GNB1: variants seen among roughly 807,000 people sequenced by gnomAD.
The protein encoded by GNB1 is G protein subunit beta 1.
A neutral mutation model predicts 42.9 loss-of-function variants in GNB1; 2 were observed. The observed-to-expected ratio is 0.05, with a 90% CI of 0.02 to 0.15. GNB1 has a LOEUF of 0.15. GNB1 is among the 10% of genes least tolerant of loss of function. The pLI, the probability that GNB1 is intolerant of heterozygous loss-of-function variation, is 1.00. For synonymous variants in GNB1, 183 were observed against 174.7 expected, an observed-to-expected ratio of 1.05 and a Z score of -0.38; for missense variants, 193 against 462.2, an observed-to-expected ratio of 0.42 and a Z score of 5.34.
intron 1 of GNB1, among the ~76,000 whole-genome samples, chr1:1,874,605 T>TTA (rs1462394173): frequency 2.1e-5 from 1 of 46,998 alleles, no homozygotes; most frequent in Non-Finnish European, 3.6e-5. Context: ...AGACTCCATC[T>TTA]AAAAAAAAAA....
chr1:1,853,394 A>G (rs139035552), intron 1 of GNB1, among the ~76,000 whole-genome samples: 69 of 152,296 alleles, frequency 4.5e-4, no homozygotes, highest in African/African-American at 1.6e-3. Flanking sequence ...GTAAGCCTAG[A>G]AAGGGCCAAA....
At chr1:1,864,560 T>C (rs867771023) in intron 1 of GNB1, among the ~76,000 whole-genome samples, 4 of 152,094 alleles carry the variant, frequency 2.6e-5, no homozygotes, top group Admixed American at 6.6e-5. Context: ...TGTAGCCAAT[T>C]CTGTGCCATG....
intron 1 of GNB1, among the ~76,000 whole-genome samples, chr1:1,872,402 C>T (rs1327710912): frequency 6.6e-6 from 1 of 152,200 alleles, no homozygotes; most frequent in Non-Finnish European, 1.5e-5. Context: ...GCACCATCTG[C>T]ACGAGGACCC....
intron 5 of GNB1, among the ~76,000 whole-genome samples, chr1:1,812,793 C>T (rs1646799941): frequency 6.6e-6 from 1 of 152,036 alleles, no homozygotes; most frequent in South Asian, 2.1e-4. Context: ...AACATAAAGC[C>T]TCCCATGCAA....
intron 2 of GNB1, among the ~76,000 whole-genome samples, chr1:1,829,096 G>A (rs749281407): frequency 6.6e-6 from 1 of 151,690 alleles, no homozygotes; most frequent in Non-Finnish European, 1.5e-5. Context: ...CACTCTTATC[G>A]CCCAGGCTGC....
At position 1,838,235 on chromosome 1, in the gene GNB1, C is replaced by A. The variant is rs149957713; in HGVS notation, c.-47+955G>T. ...AAAAAAGAATATCCAATTGTTCCAG[C>A]CCCTAATTGCTATTCAATTTAATTT... On this transcript the variant is annotated intron_variant, in intron 2 of 11. Transcript: ENST00000378609. 2.2e-3 allele frequency among the ~76,000 whole-genome samples: 341 copies of A among 152,058 alleles called. 1 individual carries two copies. Among genetic ancestry groups the A allele is most frequent in the African/African-American group, 7.9e-3 (327 of 41,494 alleles).
chr1:1,865,947 ATTTTT>A (rs926115042), intron 1 of GNB1, among the ~76,000 whole-genome samples: 2 of 145,558 alleles, frequency 1.4e-5, no homozygotes, highest in African/African-American at 2.5e-5. Context: ...GTATTTATTT[ATTTTT>A]TTTTTTTTTG....
chr1:1,828,474 C>A (rs1207532232), intron 2 of GNB1, among the ~76,000 whole-genome samples: 1 of 152,122 alleles, frequency 6.6e-6, no homozygotes, highest in African/African-American at 2.4e-5. Flanking sequence ...ATGTACACAA[C>A]AATCACCCAG....
chr1:1,888,442 C>T (rs1377575339), intron 1 of GNB1, among the ~76,000 whole-genome samples: 2 of 152,012 alleles, frequency 1.3e-5, no homozygotes, highest in South Asian at 2.1e-4. Context: ...CCTGGGACCA[C>T]CGCCCAACAC....
At chr1:1,888,971 T>C (rs1032136133) in intron 1 of GNB1, among the ~76,000 whole-genome samples, 1 of 152,306 alleles carries the variant, frequency 6.6e-6, no homozygotes, top group Admixed American at 6.5e-5. Context: ...AACCCAGCGT[T>C]AGCAAAGAAG....
chr1:1,859,456 T>C (rs1648490184), intron 1 of GNB1, among the ~76,000 whole-genome samples: 1 of 151,662 alleles, frequency 6.6e-6, no homozygotes, highest in African/African-American at 2.4e-5. Flanking sequence ...GAGAGCAGCC[T>C]GGGCAACAGA....
At chr1:1,829,052 ATTTTC>A (rs570830172) in intron 2 of GNB1, among the ~76,000 whole-genome samples, 180 of 151,992 alleles carry the variant, frequency 1.2e-3, no homozygotes, top group Non-Finnish European at 2.2e-3. Flanking sequence ...ATAAAGATAT[ATTTTC>A]TTTTCTTTTC....
chr1:1,804,653 T>A (rs1354996596), intron 6 of GNB1, 72 bp from the exon 7 acceptor site: 2 of 1,175,050 alleles, frequency 1.7e-6, no homozygotes, highest in Non-Finnish European at 2.4e-6. Flanking sequence ...GATTTTCTCA[T>A]CTCCAACTTT....
intron 5 of GNB1, among the ~76,000 whole-genome samples, chr1:1,808,732 C>T (rs1364920335): frequency 6.6e-6 from 1 of 152,226 alleles, no homozygotes; most frequent in Non-Finnish European, 1.5e-5. Flanking sequence ...CAACCTCTAT[C>T]TCCTGGGTTC....
chr1:1,848,159 C>T (rs1647773572), intron 1 of GNB1, among the ~76,000 whole-genome samples: 1 of 151,934 alleles, frequency 6.6e-6, no homozygotes, highest in African/African-American at 2.4e-5. Flanking sequence ...GCGGGCAGAC[C>T]ACGAGATCAG....
At chr1:1,820,827 A>T (rs910719031) in intron 3 of GNB1, among the ~76,000 whole-genome samples, 2 of 152,226 alleles carry the variant, frequency 1.3e-5, no homozygotes, top group African/African-American at 4.8e-5. Context: ...GATAACTTCA[A>T]TTCAATCTTT....
intron 3 of GNB1, among the ~76,000 whole-genome samples, chr1:1,819,268 C>T (rs566933665): frequency 8.0e-4 from 121 of 151,614 alleles, no homozygotes; most frequent in Non-Finnish European, 1.4e-3. Flanking sequence ...CTTGCCCAGG[C>T]GGGAGTGCTG....
intron 1 of GNB1, chr1:1,839,613 G>A (rs1647196877): frequency 1.3e-5 from 2 of 152,014 alleles, no homozygotes; most frequent in African/African-American, 2.4e-5. Flanking sequence ...TTGGGAAGCT[G>A]AGGCAGGCAA....
intron 1 of GNB1, among the ~76,000 whole-genome samples, chr1:1,881,042 G>A (rs571920294): frequency 1.1e-4 from 16 of 152,220 alleles, no homozygotes; most frequent in African/African-American, 3.9e-4. Flanking sequence ...ACACAGCCAG[G>A]AGTTTTCCAA....
Sources: gnomAD v4.1 joint callset for allele counts (sites outside exome capture counted in the v4.1 genomes callset) on GRCh38, gnomAD v4.1.1 for gene constraint, MANE v1.5 for transcripts, NCBI Gene and HGNC (gene_info 2026-07-23, HGNC 2026-07-21) for gene names.